The following IL1RAPL1 variants were observed in gnomAD, a reference collection of about 807,000 sequenced individuals.
IL1RAPL1 encodes the protein interleukin-1 receptor accessory protein-like 1.
In IL1RAPL1, 3 loss-of-function variants were observed where a neutral mutation model predicts 48.4. The observed-to-expected ratio is 0.06, with a 90% CI of 0.03 to 0.16. The LOEUF (loss-of-function observed/expected upper bound fraction) is 0.16, where lower values mean the gene tolerates loss of function less well. Ranked by LOEUF, IL1RAPL1 falls within the 10% of genes least tolerant of loss-of-function variation. The pLI is 1.00. For missense variants in IL1RAPL1, 349 were observed against 530.6 expected (o/e 0.66, Z 3.36); for synonymous variants, 185 against 187.7 (o/e 0.99, Z 0.12).
chrX:29,588,719 T>G (rs1392175002), intron 5 of IL1RAPL1, among the ~76,000 whole-genome samples: 1 of 112,062 alleles, frequency 8.9e-6, no homozygotes, highest in Admixed American at 9.4e-5. Context: ...TGTTGATATT[T>G]TCTAGTGATA....
At chrX:29,801,424 G>C (rs192423588) in intron 6 of IL1RAPL1, among the ~76,000 whole-genome samples, 1 of 111,412 alleles carries the variant, frequency 9.0e-6, no homozygotes, top group East Asian at 2.8e-4. Context: ...TTAAAGGGAA[G>C]TACACATAAC....
At chrX:28,835,614 A>T (rs1479270353) in intron 2 of IL1RAPL1, among the ~76,000 whole-genome samples, 6 of 111,531 alleles carry the variant, frequency 5.4e-5, no homozygotes. Flanking sequence ...TGCAGCCTAA[A>T]CATTGCTTAT....
At chrX:28,930,080 A>G (rs1165374967) in intron 2 of IL1RAPL1, among the ~76,000 whole-genome samples, 1 of 111,703 alleles carries the variant, frequency 9.0e-6, no homozygotes, top group African/African-American at 3.3e-5. Flanking sequence ...CCATCTTGCT[A>G]GTTATTTTCC....
At chrX:28,972,256 A>T (rs776120843) in intron 2 of IL1RAPL1, among the ~76,000 whole-genome samples, 185 of 111,586 alleles carry the variant, frequency 1.7e-3, no homozygotes, top group African/African-American at 5.8e-3. Context: ...AATAATAATT[A>T]TTATTATCAT....
At chrX:28,821,121 G>T (rs1164798733) in intron 2 of IL1RAPL1, among the ~76,000 whole-genome samples, 4 of 111,432 alleles carry the variant, frequency 3.6e-5, no homozygotes, top group African/African-American at 1.3e-4. Context: ...ATTTTTAAAA[G>T]AACAAATTTA....
At chrX:28,722,518 A>G (rs2146940883) in intron 1 of IL1RAPL1, among the ~76,000 whole-genome samples, 1 of 111,365 alleles carries the variant, frequency 9.0e-6, no homozygotes, top group East Asian at 2.8e-4. Context: ...TTCTAAATAT[A>G]CAATCATGTC....
At chrX:29,268,816 G>T (rs2147589647) in intron 2 of IL1RAPL1, among the ~76,000 whole-genome samples, 1 of 112,036 alleles carries the variant, frequency 8.9e-6, no homozygotes, top group Non-Finnish European at 1.9e-5. Context: ...TTGAAATAAA[G>T]GATGAATCAG....
At chrX:29,104,505 G>A (rs1288398323) in intron 2 of IL1RAPL1, among the ~76,000 whole-genome samples, 3 of 110,676 alleles carry the variant, frequency 2.7e-5, no homozygotes, top group African/African-American at 9.9e-5. Flanking sequence ...AGTGGGAGTG[G>A]TTAATGGGTA....
At chrX:29,484,018 A>C (rs1172144058) in intron 5 of IL1RAPL1, among the ~76,000 whole-genome samples, 4 of 109,553 alleles carry the variant, frequency 3.7e-5, no homozygotes, top group Non-Finnish European at 5.7e-5. Flanking sequence ...AAAAAAAAAA[A>C]AAAAAAACTC....
chrX:29,362,365 A>G (rs1164364220), intron 3 of IL1RAPL1, among the ~76,000 whole-genome samples: 3 of 112,033 alleles, frequency 2.7e-5, no homozygotes, highest in Non-Finnish European at 5.6e-5. Context: ...GTCAATGCAA[A>G]GTATGGCAAC....
chrX:28,604,325 A>G (rs944677972), intron 1 of IL1RAPL1, among the ~76,000 whole-genome samples: 1 of 112,016 alleles, frequency 8.9e-6, no homozygotes, highest in African/African-American at 3.2e-5. Flanking sequence ...TGGCTTTGAC[A>G]TTTACTAGCT....
chrX:28,707,809 C>T (rs2146933381), intron 1 of IL1RAPL1, among the ~76,000 whole-genome samples: 1 of 112,151 alleles, frequency 8.9e-6, no homozygotes, highest in Admixed American at 9.5e-5. Flanking sequence ...CTTTCCTCCT[C>T]TCCATTGACT....
chrX:29,721,720 A>G (rs1927642301), intron 6 of IL1RAPL1, among the ~76,000 whole-genome samples: 1 of 111,679 alleles, frequency 9.0e-6, no homozygotes, highest in African/African-American at 3.3e-5. Flanking sequence ...TATAACAGAA[A>G]CTCAGGTATC....
intron 1 of IL1RAPL1, among the ~76,000 whole-genome samples, chrX:28,714,672 G>A (rs1469175699): frequency 8.9e-6 from 1 of 111,763 alleles, no homozygotes; most frequent in African/African-American, 3.2e-5. Flanking sequence ...GAGCAGCCTT[G>A]AAAGTAGAAA....
In IL1RAPL1 at chrX:29,803,410, T is replaced by TACAC. The variant is rs1569174329; in HGVS notation, c.779-114053_779-114052insCACA. On this transcript the variant is annotated intron_variant, in intron 6 of 10. Transcript: ENST00000378993. ...GTATACACATATGTATATATGTGTA[T>TACAC]ATGTGTATATGTGTATATATGTATA... 6.6e-5 allele frequency among the ~76,000 whole-genome samples: 6 copies of TACAC among 91,056 alleles called. 1 individual carries two copies. Among genetic ancestry groups the TACAC allele is most frequent in the African/African-American group, 1.3e-4 (3 of 23,626 alleles). 79.1% of individuals were successfully genotyped at this position (91,056 alleles called of 115,157 possible).
At chrX:28,927,443 T>C (rs915141955) in intron 2 of IL1RAPL1, among the ~76,000 whole-genome samples, 11 of 112,006 alleles carry the variant, frequency 9.8e-5, no homozygotes, top group African/African-American at 3.6e-4. Context: ...CTCTTTTCTC[T>C]TTCGGATATT....
chrX:29,499,678 T>A (rs66545347), intron 5 of IL1RAPL1, among the ~76,000 whole-genome samples: 7,737 of 111,542 alleles, frequency 0.069, 462 homozygotes, highest in African/African-American at 0.19. Context: ...CCCAAATCTG[T>A]TGAACCCAGC....
chrX:28,732,824 G>A (rs1051690678), intron 1 of IL1RAPL1, among the ~76,000 whole-genome samples: 1 of 111,363 alleles, frequency 9.0e-6, no homozygotes, highest in African/African-American at 3.3e-5. Context: ...AGCCGAGTTT[G>A]CGCCACTGCA....
chrX:29,465,914 T>G (rs1934857473), intron 5 of IL1RAPL1, among the ~76,000 whole-genome samples: 1 of 111,752 alleles, frequency 8.9e-6, no homozygotes, highest in East Asian at 2.8e-4. Flanking sequence ...GTTTACAGAT[T>G]AATGTTTTTC....
Sources: allele counts gnomAD v4.1 joint callset (sites outside exome capture counted in the v4.1 genomes callset), GRCh38; gene constraint gnomAD v4.1.1; transcripts MANE v1.5; gene names NCBI Gene and HGNC (gene_info 2026-07-23, HGNC 2026-07-21).